FKTN: variants seen among roughly 807,000 people sequenced by gnomAD.
FKTN encodes ribitol-5-phosphate transferase FKTN.
In FKTN, 47 loss-of-function variants were observed where a neutral mutation model predicts 58.6. That is an observed-to-expected ratio of 0.80 (90% CI 0.63 to 1.02). FKTN has a LOEUF of 1.02. FKTN is among the 50% of genes least tolerant of loss of function. The probability of loss-of-function intolerance (pLI) is 0.00; values close to 1 mark genes in which losing one functional copy is unlikely to be tolerated. For missense variants in FKTN, 516 were observed against 537.3 expected, an observed-to-expected ratio of 0.96 and a Z score of 0.39; for synonymous variants, 178 against 191.9, an observed-to-expected ratio of 0.93 and a Z score of 0.60.
rs988001864 is a variant in FKTN, at chr9:105,638,117, A to G, written c.*2853A>G. The G allele has an allele frequency of 1.0e-6, 1 of 978,352 alleles. No homozygotes were observed. Among genetic ancestry groups the G allele is most frequent in the African/African-American group, 1.8e-5 (1 of 57,086 alleles). The allele number at this position is 978,352 out of a possible 1,614,324, so 60.6% of individuals were successfully genotyped here. A position where few individuals can be genotyped will look rare whatever the true frequency, so the allele number is the denominator to read the frequency against. On this transcript the variant is annotated 3_prime_UTR_variant, in exon 11 of 11. Coordinates refer to ENST00000357998, the MANE Select transcript of FKTN (RefSeq NM_001079802.2). Reference sequence around the variant, plus strand: ...ATTTTATAACTAAATAAATAATCACAGAAAAGAATGATCTGAACAAGAACA... The same window carrying G: ...ATTTTATAACTAAATAAATAATCACGGAAAAGAATGATCTGAACAAGAACA...
chr9:105,579,700 A>G (rs1322269192), intron 3 of FKTN, among the ~76,000 whole-genome samples: 1 of 143,408 alleles, frequency 7.0e-6, no homozygotes, highest in Non-Finnish European at 1.5e-5. Context: ...TGCAGAGCTG[A>G]GTTCAATTCC....
intron 10 of FKTN, among the ~76,000 whole-genome samples, chr9:105,622,526 A>G (rs1832142763): frequency 6.6e-6 from 1 of 151,922 alleles, no homozygotes; most frequent in South Asian, 2.1e-4. Context: ...ATTTATATAT[A>G]TAATCTGGTT....
At position 105,635,347 on chromosome 9, in the gene FKTN, C is replaced by G; in HGVS notation, c.*83C>G. The G allele has an allele frequency of 6.3e-7, 1 of 1,590,842 alleles. No homozygotes were observed. The highest frequency in any genetic ancestry group is 1.1e-5 in the South Asian group (1 of 87,138). On this transcript the variant is annotated 3_prime_UTR_variant, in exon 11 of 11. Transcript: ENST00000357998. ...AAAAAATACATGTCTATTTGTCAAA[C>G]ATAAGTGGGAACCAAAGAAAAAATG...
intron 10 of FKTN, among the ~76,000 whole-genome samples, chr9:105,624,792 G>A (rs1442007218): frequency 6.6e-6 from 1 of 152,008 alleles, no homozygotes; most frequent in Non-Finnish European, 1.5e-5. Flanking sequence ...ATAGGTGTTT[G>A]TTAGACACTT....
intron 10 of FKTN, among the ~76,000 whole-genome samples, chr9:105,631,220 A>G (rs1833397424): frequency 2.0e-5 from 3 of 152,236 alleles, no homozygotes; most frequent in Non-Finnish European, 4.4e-5. Flanking sequence ...TTTAATGATA[A>G]AACTTTAGAA....
intron 10 of FKTN, among the ~76,000 whole-genome samples, chr9:105,627,028 A>C (rs1832826956): frequency 6.8e-6 from 1 of 146,170 alleles, no homozygotes; most frequent in African/African-American, 2.6e-5. Context: ...GCTGGAGTGC[A>C]GTGGTGTGAT....
At chr9:105,606,547 A>G (rs906018682) in intron 6 of FKTN, among the ~76,000 whole-genome samples, 4 of 151,748 alleles carry the variant, frequency 2.6e-5, no homozygotes, top group Non-Finnish European at 5.9e-5. Flanking sequence ...GCAGAATCTG[A>G]TGTAAAGGTA....
chr9:105,618,778 A>G (rs532947906), intron 9 of FKTN, among the ~76,000 whole-genome samples: 6 of 152,302 alleles, frequency 3.9e-5, no homozygotes, highest in Non-Finnish European at 7.4e-5. Context: ...AAGTAAAAAT[A>G]TGTTTAGTCG....
intron 10 of FKTN, among the ~76,000 whole-genome samples, chr9:105,622,431 A>G (rs1282443394): frequency 2.0e-5 from 3 of 152,018 alleles, no homozygotes; most frequent in Non-Finnish European, 4.4e-5. Context: ...CTAAGATTTA[A>G]CAGTATATTA....
chr9:105,619,404 G>A (rs555303973), intron 9 of FKTN, among the ~76,000 whole-genome samples: 1 of 152,156 alleles, frequency 6.6e-6, no homozygotes, highest in Non-Finnish European at 1.5e-5. Context: ...GTTTTCTTTA[G>A]GGAAATGTTC....
chr9:105,604,373 T>G lies in FKTN; in HGVS notation c.528T>G (p.Phe176Leu). 6.2e-7 allele frequency: 1 copy of G among 1,614,130 alleles called. No homozygotes were observed. Among genetic ancestry groups the G allele is most frequent in the Non-Finnish European group, 8.5e-7 (1 of 1,179,978 alleles). Residue 176 changes from phenylalanine (F) to leucine (L), a missense_variant, in exon 6 of 11, where the codon TTT (phenylalanine) becomes TTG (leucine). Physicochemically the swap from Phe to Leu is conservative, Grantham distance 22 (BLOSUM62 0). Coordinates refer to ENST00000357998, the MANE Select transcript of FKTN (RefSeq NM_001079802.2). ...CTCATGCGATCCACTTGGTAGTCTT[T>G]CATGAGAGGAGTGGCAACTACCTCT... ...LATHAIHLVV[F>L]HERSGNYLWH... is the part of the protein sequence containing the mutation.
chr9:105,607,814 T>C lies in FKTN; in HGVS notation c.648-5T>C. ...TCATTAATAAATCTTAACTTTTGTTTTCAGGCCAGAGTTACAGCAAGTTAC... is the reference window on the plus strand; with the variant it reads ...TCATTAATAAATCTTAACTTTTGTTCTCAGGCCAGAGTTACAGCAAGTTAC... On this transcript the variant is annotated splice_polypyrimidine_tract_variant and splice_region_variant and intron_variant, in intron 6 of 10. Coordinates refer to ENST00000357998, the MANE Select transcript of FKTN (RefSeq NM_001079802.2). 6.2e-7 allele frequency: 1 copy of C among 1,612,652 alleles called. No homozygotes were observed.
chr9:105,560,288 A>T (rs1838050699), intron 1 of FKTN, among the ~76,000 whole-genome samples: 3 of 152,216 alleles, frequency 2.0e-5, no homozygotes, highest in African/African-American at 7.2e-5. Flanking sequence ...CATATGAATC[A>T]TCTGAGGATT....
intron 3 of FKTN, among the ~76,000 whole-genome samples, chr9:105,589,917 G>A (rs1363795957): frequency 6.6e-6 from 1 of 152,194 alleles, no homozygotes; most frequent in Non-Finnish European, 1.5e-5. Flanking sequence ...TGAGTGATGG[G>A]GAGAATAGTA....
intron 1 of FKTN, among the ~76,000 whole-genome samples, chr9:105,562,064 C>T (rs1838399271): frequency 1.3e-5 from 2 of 152,128 alleles, no homozygotes; most frequent in Admixed American, 6.5e-5. Context: ...GTTCAGCCTC[C>T]TGTTTTATTT....
intron 3 of FKTN, among the ~76,000 whole-genome samples, chr9:105,577,271 A>C (rs1397059670): frequency 2.1e-5 from 3 of 143,686 alleles, no homozygotes; most frequent in Non-Finnish European, 4.6e-5. Flanking sequence ...GGTAATGCCT[A>C]GGTTTTCTTC....
At chr9:105,623,320 A>G (rs912830934) in intron 10 of FKTN, 1 of 152,216 alleles carries the variant, frequency 6.6e-6, no homozygotes, top group Non-Finnish European at 1.5e-5. Flanking sequence ...CAATAAGTTT[A>G]TAAAGGAGAT....
chr9:105,596,455 C>T (rs1826817520), intron 3 of FKTN, 143 bp from the exon 4 acceptor site: 3 of 660,972 alleles, frequency 4.5e-6, no homozygotes, highest in Admixed American at 2.3e-5. Context: ...ATTCTTAGCT[C>T]ATGACTATAT....
At chr9:105,584,822 A>AT (rs560295838) in intron 3 of FKTN, among the ~76,000 whole-genome samples, 85 of 148,060 alleles carry the variant, frequency 5.7e-4, no homozygotes, top group African/African-American at 1.6e-3. Flanking sequence ...GTGTCTTAAA[A>AT]TTTTTTTTTT....
Sources: allele counts gnomAD v4.1 joint callset (sites outside exome capture counted in the v4.1 genomes callset), GRCh38; gene constraint gnomAD v4.1.1; transcripts MANE v1.5; gene names NCBI Gene and HGNC (gene_info 2026-07-23, HGNC 2026-07-21).